The following CPEB2 variants were observed in gnomAD, a reference collection of about 807,000 sequenced individuals.
CPEB2 encodes cytoplasmic polyadenylation element-binding protein 2.
Under a neutral mutation model 93.6 loss-of-function variants are expected in CPEB2, and 56 were observed. That is an observed-to-expected ratio of 0.60 (90% CI 0.48 to 0.75). The LOEUF (loss-of-function observed/expected upper bound fraction) is 0.75. Ranked by LOEUF, CPEB2 falls within the 30% of genes least tolerant of loss-of-function variation. The probability of loss-of-function intolerance (pLI) is 0.00; values close to 1 mark genes in which losing one functional copy is unlikely to be tolerated. For missense variants in CPEB2, 1,579 were observed against 1,395.1 expected (o/e 1.13, Z -2.10); for synonymous variants, 764 against 586.3 (o/e 1.30, Z -4.38).
chr4:15,003,179 G>T lies in CPEB2; in HGVS notation c.506G>T (p.Arg169Leu). ...TCCTCCCCGCAGGACTTCAGTAAGC[G>T]GCAGCAGCAGCAGCTGAGCAGCCAG... ...RTSSPQDFSK[R>L]QQQQLSSQKR... The change falls in exon 1 of 12, where the codon CGG (arginine) becomes CTG (leucine). Residue 169 changes from arginine (R) to leucine (L), a missense_variant. Arg to Leu is a moderately radical substitution (Grantham distance 102). Coordinates refer to ENST00000538197, the MANE Select transcript of CPEB2 (RefSeq NM_001177382.2). 2 of 1,533,686 alleles carry T rather than the reference G, an allele frequency of 1.3e-6. No individual in the cohort carries two copies. Among genetic ancestry groups the T allele is most frequent in the Non-Finnish European group, 1.7e-6 (2 of 1,146,050 alleles).
rs1729242259 is a variant in CPEB2, at chr4:15,062,068, T to G, written c.2696-11T>G. 1 of 1,584,126 alleles carries G rather than the reference T, an allele frequency of 6.3e-7. No individual in the cohort carries two copies. Reference sequence around the variant, plus strand: ...TCTCACATTTGATGTAAACTTCTTTTCCTTTTCAAGTGGAACTTGCTATGA... The same window carrying G: ...TCTCACATTTGATGTAAACTTCTTTGCCTTTTCAAGTGGAACTTGCTATGA... On this transcript the variant is annotated splice_polypyrimidine_tract_variant and intron_variant, in intron 10 of 11. Coordinates refer to ENST00000538197, the MANE Select transcript of CPEB2 (RefSeq NM_001177382.2).
At chr4:15,056,140 G>C (rs192599900) in intron 8 of CPEB2, among the ~76,000 whole-genome samples, 11 of 152,012 alleles carry the variant, frequency 7.2e-5, no homozygotes, top group Non-Finnish European at 1.3e-4. Flanking sequence ...AATAATTCAC[G>C]GATTGTTAAC....
intron 4 of CPEB2, among the ~76,000 whole-genome samples, chr4:15,026,008 A>G (rs1046581850): frequency 1.9e-4 from 29 of 152,146 alleles, no homozygotes; most frequent in African/African-American, 6.0e-4. Context: ...TTTAACTGCC[A>G]CGTTAGGGAT....
At chr4:15,040,103 G>A (rs1727021189) in intron 5 of CPEB2, among the ~76,000 whole-genome samples, 2 of 152,074 alleles carry the variant, frequency 1.3e-5, no homozygotes, top group Non-Finnish European at 2.9e-5. Context: ...TTTAGTTCAA[G>A]TTGTTTCCAT....
chr4:15,062,818 A>C (rs1251463124), intron 11 of CPEB2, among the ~76,000 whole-genome samples: 1 of 152,076 alleles, frequency 6.6e-6, no homozygotes, highest in Non-Finnish European at 1.5e-5. Context: ...CTAAACTTAA[A>C]ATTTTTTTAG....
At position 15,058,403 on chromosome 4, in the gene CPEB2, C is replaced by G. The variant is rs377358916; in HGVS notation, c.2462-18C>G. ...CACTTGGCTTGACATATTGCCTCAT[C>G]TTTAATGGTTATTCCAGGCTATGCA... On this transcript the variant is annotated intron_variant, in intron 8 of 11. Transcript: ENST00000538197. 2.4e-5 allele frequency: 35 copies of G among 1,466,490 alleles called. No individual in the cohort carries two copies. The highest frequency in any genetic ancestry group is 3.3e-5 in the Non-Finnish European group (35 of 1,050,168). The allele number at this position is 1,466,490 out of a possible 1,614,324, so 90.8% of individuals were successfully genotyped here.
At position 15,003,723 on chromosome 4, in the gene CPEB2, G is replaced by GGGCGGCGGC. The variant is rs527630065; in HGVS notation, c.1062_1070dup (p.Gly358_Gly360dup). 90 of 1,305,806 alleles carry GGGCGGCGGC rather than the reference G, an allele frequency of 6.9e-5. No homozygotes were observed. The highest frequency in any genetic ancestry group is 3.2e-4 in the African/African-American group (21 of 65,476). 80.9% of individuals were successfully genotyped at this position (1,305,806 alleles called of 1,614,324 possible). ...TGCAGAGCCCGGACCTTCCACACCC[G>GGGCGGCGGC]GGCGGCGGCGGCGGCGGCGGGGGCG... On this transcript the variant is annotated inframe_insertion, in exon 1 of 12. Coordinates refer to ENST00000538197, the MANE Select transcript of CPEB2 (RefSeq NM_001177382.2).
At chr4:15,011,405 A>T (rs1723469346) in intron 3 of CPEB2, among the ~76,000 whole-genome samples, 1 of 152,142 alleles carries the variant, frequency 6.6e-6, no homozygotes, top group African/African-American at 2.4e-5. Flanking sequence ...TGGCCAGTAT[A>T]TCTACATGAA....
chr4:15,008,222 G>A (rs1466957745), intron 2 of CPEB2, 116 bp from the exon 3 acceptor site: 1 of 632,350 alleles, frequency 1.6e-6, no homozygotes, highest in Non-Finnish European at 2.8e-6. Flanking sequence ...AACCTTTAGA[G>A]GATGGAATGA....
At chr4:15,057,045 G>A (rs1266087746) in intron 8 of CPEB2, among the ~76,000 whole-genome samples, 1 of 151,618 alleles carries the variant, frequency 6.6e-6, no homozygotes, top group Admixed American at 6.6e-5. Flanking sequence ...TTAAAATATT[G>A]AATTTAATAT....
intron 1 of CPEB2, chr4:15,005,013 G>C (rs1028512438): frequency 6.6e-6 from 1 of 152,130 alleles, no homozygotes; most frequent in Admixed American, 6.5e-5. Flanking sequence ...GGTCAGTCGA[G>C]CCGCTCCCAA....
At chr4:15,012,581 C>G (rs1723630287) in intron 3 of CPEB2, among the ~76,000 whole-genome samples, 1 of 152,052 alleles carries the variant, frequency 6.6e-6, no homozygotes, top group Admixed American at 6.5e-5. Context: ...AGATTGAGTA[C>G]TACGTTATGC....
intron 11 of CPEB2, chr4:15,063,782 A>C (rs1729431581): frequency 6.6e-6 from 1 of 152,148 alleles, no homozygotes; most frequent in African/African-American, 2.4e-5. Flanking sequence ...CTTAAAGAGC[A>C]ACTCAGTTGC....
rs1722987502 is a variant in CPEB2 at position 15,007,561 on chromosome 4, A to G, written c.1919A>G (p.Asn640Ser). 1 of 1,607,844 alleles carries G rather than the reference A, an allele frequency of 6.2e-7. No individual in the cohort carries two copies. Among genetic ancestry groups the G allele is most frequent in the South Asian group, 1.1e-5 (1 of 90,320 alleles). ...IEDNVFRTDNNSNTLLPLQVR... is the reference protein window; with the variant it reads ...IEDNVFRTDNSSNTLLPLQVR... ...GATAATGTGTTCAGAACAGACAACAATAGTAATACACTCTTACCCTTACAG... is the reference window on the plus strand; with the variant it reads ...GATAATGTGTTCAGAACAGACAACAGTAGTAATACACTCTTACCCTTACAG... Residue 640 changes from asparagine (N) to serine (S), a missense_variant, in exon 2 of 12, where the codon AAT becomes AGT. Asn to Ser is a conservative substitution (Grantham distance 46, BLOSUM62 1). This residue lies in a region of CPEB2 where 1,411 missense variants were observed against 1,056.0 expected (regional missense o/e 1.34). Transcript: ENST00000538197.
At chr4:15,043,486 C>T (rs1727377625) in intron 6 of CPEB2, among the ~76,000 whole-genome samples, 2 of 152,096 alleles carry the variant, frequency 1.3e-5, no homozygotes, top group South Asian at 2.1e-4. Flanking sequence ...TGGAAAACTA[C>T]TTATCATTTG....
chr4:15,055,430 G>C, intron 8 of CPEB2, among the ~76,000 whole-genome samples: 1 of 152,134 alleles, frequency 6.6e-6, no homozygotes, highest in African/African-American at 2.4e-5. Context: ...GTTGTCCATA[G>C]TTTTACTCTC....
At chr4:15,032,801 A>G (rs1410544713) in intron 4 of CPEB2, among the ~76,000 whole-genome samples, 1 of 152,152 alleles carries the variant, frequency 6.6e-6, no homozygotes. Context: ...AATTACAAAC[A>G]ACTTTGAAAA....
chr4:15,062,473 C>T (rs887881839), intron 11 of CPEB2, among the ~76,000 whole-genome samples: 25 of 151,984 alleles, frequency 1.6e-4, no homozygotes, highest in Non-Finnish European at 1.5e-5. Flanking sequence ...TATCATTGTG[C>T]AGCCATGTCA....
Position 15,003,648 on chromosome 4 carries a change from C to A in CPEB2, c.975C>A (p.Pro325=), listed in dbSNP as rs1308276697. The A allele has an allele frequency of 2.5e-5, 37 of 1,479,150 alleles. No individual in the cohort carries two copies. In the African/African-American group the frequency reaches 5.1e-4, roughly 20 times the overall value. 91.6% of individuals were successfully genotyped at this position (1,479,150 alleles called of 1,614,324 possible). ...CCAACCACCCTCTGCTCAACAGTCC[C>A]AGTAACCTCCTGCCCGGAGGTGCGC... ...ESPNHPLLNS[P]SNLLPGGALG... The change falls in exon 1 of 12, where the codon CCC becomes CCA. Residue 325 remains proline, a synonymous_variant. Transcript: ENST00000538197.
Sources: gnomAD v4.1 joint callset for allele counts (sites outside exome capture counted in the v4.1 genomes callset) on GRCh38, gnomAD v4.1.1 for gene constraint, gnomAD v4.1.1 regional missense constraint, MANE v1.5 for transcripts, NCBI Gene and HGNC (gene_info 2026-07-23, HGNC 2026-07-21) for gene names.